FBXO15: variants seen among roughly 807,000 people sequenced by gnomAD.
FBXO15 encodes F-box protein 15, also known as F-box only protein 15.
Under a neutral mutation model 49.5 loss-of-function variants are expected in FBXO15, and 30 were observed. The observed-to-expected ratio is 0.61, with a 90% CI of 0.45 to 0.82. The LOEUF (loss-of-function observed/expected upper bound fraction) is 0.82, where lower values mean the gene tolerates loss of function less well. Ranked by LOEUF, FBXO15 falls within the 40% of genes least tolerant of loss-of-function variation. The pLI, the probability that FBXO15 is intolerant of heterozygous loss-of-function variation, is 0.00. For missense variants in FBXO15, 591 were observed against 631.5 expected, an observed-to-expected ratio of 0.94 and a Z score of 0.69; for synonymous variants, 250 against 232.7, an observed-to-expected ratio of 1.07 and a Z score of -0.68.
intron 2 of FBXO15, 135 bp downstream of exon 2, chr18:74,140,067 G>A (rs1349532249): frequency 1.6e-6 from 1 of 611,612 alleles, no homozygotes; most frequent in Non-Finnish European, 2.7e-6. Context: ...AATGCTCCAT[G>A]CTGTACTGTC....
chr18:74,077,041 T>C (rs1176885133), intron 9 of FBXO15, among the ~76,000 whole-genome samples: 1 of 152,160 alleles, frequency 6.6e-6, no homozygotes, highest in Non-Finnish European at 1.5e-5. Flanking sequence ...CACCAGTGTG[T>C]TGAATGCAGA....
At chr18:74,130,139 G>GCCT (rs1361648636) in intron 4 of FBXO15, among the ~76,000 whole-genome samples, 1 of 152,094 alleles carries the variant, frequency 6.6e-6, no homozygotes, top group Non-Finnish European at 1.5e-5. Context: ...TGTGCAAACT[G>GCCT]TTGTTATTAT....
At chr18:74,134,366 A>ATTTTT (rs34748425) in intron 3 of FBXO15, among the ~76,000 whole-genome samples, 3 of 119,258 alleles carry the variant, frequency 2.5e-5, no homozygotes, top group Non-Finnish European at 3.4e-5. Flanking sequence ...GACCTGGAGA[A>ATTTTT]TTTTTTTTTT....
intron 8 of FBXO15, among the ~76,000 whole-genome samples, chr18:74,082,273 T>C (rs973866763): frequency 1.3e-5 from 2 of 152,064 alleles, no homozygotes; most frequent in African/African-American, 4.8e-5. Flanking sequence ...AAAGGTGATG[T>C]CAAAGGTGAG....
intron 8 of FBXO15, 60 bp downstream of exon 8, chr18:74,123,308 A>G (rs1914548958): frequency 6.4e-7 from 1 of 1,554,218 alleles, no homozygotes; most frequent in Non-Finnish European, 8.7e-7. Flanking sequence ...GGACATCAAA[A>G]TTGGTTCCCT....
At chr18:74,113,682 T>C (rs1914122240) in intron 8 of FBXO15, among the ~76,000 whole-genome samples, 1 of 152,230 alleles carries the variant, frequency 6.6e-6, no homozygotes, top group African/African-American at 2.4e-5. Context: ...TTCTTTAGTA[T>C]TCCTCTTCCT....
chr18:74,136,487 C>T (rs1397290259), intron 2 of FBXO15, among the ~76,000 whole-genome samples: 1 of 152,098 alleles, frequency 6.6e-6, no homozygotes, highest in Non-Finnish European at 1.5e-5. Flanking sequence ...ATCTCTTTCC[C>T]CAAAAAAGTA....
intron 8 of FBXO15, among the ~76,000 whole-genome samples, chr18:74,111,334 C>T (rs9953061): frequency 0.18 from 26,627 of 148,638 alleles, 2,636 homozygotes; most frequent in East Asian, 0.27. Context: ...AATCATACAA[C>T]GTCTGCAAAC....
chr18:74,076,883 T>C (rs1343599257), intron 9 of FBXO15, among the ~76,000 whole-genome samples: 1 of 152,164 alleles, frequency 6.6e-6, no homozygotes, highest in Non-Finnish European at 1.5e-5. Flanking sequence ...TGCCCCCAGC[T>C]GACAAAGAGC....
intron 8 of FBXO15, among the ~76,000 whole-genome samples, chr18:74,110,215 T>TATA (rs1913962637): frequency 3.5e-5 from 3 of 86,708 alleles, no homozygotes; most frequent in Admixed American, 1.0e-4. Context: ...ATATATATGT[T>TATA]TATGTATAAG....
chr18:74,108,348 G>A (rs1568167579), intron 8 of FBXO15, among the ~76,000 whole-genome samples: 1 of 151,930 alleles, frequency 6.6e-6, no homozygotes, highest in East Asian at 1.9e-4. Flanking sequence ...ACAGAAAAGT[G>A]GAAACTCTAA....
At chr18:74,100,483 A>G (rs1913467624) in intron 8 of FBXO15, among the ~76,000 whole-genome samples, 1 of 152,134 alleles carries the variant, frequency 6.6e-6, no homozygotes, top group Non-Finnish European at 1.5e-5. Flanking sequence ...CAAATAGACA[A>G]TCTAAGGTCA....
intron 8 of FBXO15, among the ~76,000 whole-genome samples, chr18:74,085,659 C>G (rs1383126207): frequency 6.6e-6 from 1 of 152,188 alleles, no homozygotes; most frequent in East Asian, 1.9e-4. Context: ...TAGACCTACA[C>G]TTTTACAAGC....
chr18:74,114,669 C>A lies in FBXO15; in HGVS notation c.1138+8699G>T, dbSNP rs541860793. Among the ~76,000 whole-genome samples, 4 of 152,320 alleles carry A rather than the reference C, an allele frequency of 2.6e-5. No homozygotes were observed. In the South Asian group the frequency reaches 8.3e-4, roughly 32 times the overall value. On this transcript the variant is annotated intron_variant, in intron 8 of 9. Transcript: ENST00000419743. The stretch of plus-strand genomic sequence containing the variant: ...ATCCAATTCAGATAGCAAAATACTT[C>A]TTCATCTAAACTTCTTTTTAACTTA...
intron 8 of FBXO15, among the ~76,000 whole-genome samples, chr18:74,101,666 A>C (rs1913526243): frequency 6.6e-6 from 1 of 152,210 alleles, no homozygotes; most frequent in Non-Finnish European, 1.5e-5. Context: ...AAGCAAGACT[A>C]AGCAAAAAGA....
At chr18:74,093,411 G>A (rs73474850) in intron 8 of FBXO15, among the ~76,000 whole-genome samples, 1,835 of 152,252 alleles carry the variant, frequency 0.012, 40 homozygotes, top group African/African-American at 0.042. Flanking sequence ...GCCAGTGCAG[G>A]AGCTATGATG....
intron 8 of FBXO15, among the ~76,000 whole-genome samples, chr18:74,100,907 T>C (rs1913488251): frequency 6.6e-6 from 1 of 152,030 alleles, no homozygotes; most frequent in East Asian, 1.9e-4. Context: ...GAGATTGAAA[T>C]GGTAATTTAA....
chr18:74,119,224 A>G (rs1914371131), intron 8 of FBXO15, among the ~76,000 whole-genome samples: 1 of 152,232 alleles, frequency 6.6e-6, no homozygotes, highest in African/African-American at 2.4e-5. Context: ...CTTTGACCAA[A>G]AAGATCCTGG....
intron 8 of FBXO15, among the ~76,000 whole-genome samples, chr18:74,103,617 G>T (rs142109359): frequency 1.1e-4 from 16 of 152,170 alleles, no homozygotes; most frequent in Non-Finnish European, 2.1e-4. Flanking sequence ...GATCCTAAAA[G>T]CAGCAAGAGA....
Sources: gnomAD v4.1 joint callset for allele counts (sites outside exome capture counted in the v4.1 genomes callset) on GRCh38, gnomAD v4.1.1 for gene constraint, MANE v1.5 for transcripts, NCBI Gene and HGNC (gene_info 2026-07-23, HGNC 2026-07-21) for gene names.